The following TAS2R1 variants were observed in gnomAD, a reference collection of about 807,000 sequenced individuals.
The protein encoded by TAS2R1 is taste receptor type 2 member 1.
For synonymous variants in TAS2R1, 141 were observed against 134.2 expected, an observed-to-expected ratio of 1.05 and a Z score of -0.35; for missense variants, 370 against 353.4, an observed-to-expected ratio of 1.05 and a Z score of -0.38.
chr5:9,867,241 T>G, the TAS2R1 span: 1 of 152,208 alleles, frequency 6.6e-6, no homozygotes, highest in Non-Finnish European at 1.5e-5. Context: ...GCTGGGAATC[T>G]GAAATTGCAT....
At chr5:9,845,630 T>C in the TAS2R1 span, among the ~76,000 whole-genome samples, 1 of 152,116 alleles carries the variant, frequency 6.6e-6, no homozygotes, top group African/African-American at 2.4e-5. Flanking sequence ...ACAAGCTAGA[T>C]ATCATATCAG....
chr5:9,885,748 G>A, the TAS2R1 span, among the ~76,000 whole-genome samples: 1 of 152,304 alleles, frequency 6.6e-6, no homozygotes, highest in Non-Finnish European at 1.5e-5. Context: ...AGAAAGTTGG[G>A]TGTGGGGAGA....
chr5:9,755,867 C>T, the TAS2R1 span, among the ~76,000 whole-genome samples: 1 of 152,174 alleles, frequency 6.6e-6, no homozygotes, highest in Non-Finnish European at 1.5e-5. Flanking sequence ...GCAGTGAGGA[C>T]AGTCAGAGGT....
the TAS2R1 span, among the ~76,000 whole-genome samples, chr5:9,770,784 T>G: frequency 6.6e-6 from 1 of 152,212 alleles, no homozygotes; most frequent in South Asian, 2.1e-4. Flanking sequence ...GTTTCTCAGT[T>G]CTAATAGTTT....
the TAS2R1 span, among the ~76,000 whole-genome samples, chr5:9,874,871 G>A: frequency 1.3e-5 from 2 of 152,186 alleles, no homozygotes; most frequent in Middle Eastern, 3.4e-3. Context: ...TCAACTTCTG[G>A]TCTTTAAGCC....
intron 1 of TAS2R1, among the ~76,000 whole-genome samples, chr5:9,708,989 C>G (rs194064): frequency 0.47 from 70,939 of 151,888 alleles, 18,096 homozygotes; most frequent in Non-Finnish European, 0.58. Flanking sequence ...AAGAAACTCA[C>G]GAAGAAACCA....
At chr5:9,806,852 C>T in the TAS2R1 span, among the ~76,000 whole-genome samples, 11 of 152,206 alleles carry the variant, frequency 7.2e-5, no homozygotes, top group South Asian at 2.3e-3. Flanking sequence ...GCAAAGAGTT[C>T]ATGATCAAGA....
the TAS2R1 span, among the ~76,000 whole-genome samples, chr5:9,808,523 T>C: frequency 2.6e-5 from 4 of 152,140 alleles, no homozygotes; most frequent in African/African-American, 9.7e-5. Flanking sequence ...AAAATGAGAA[T>C]GTTTGGAAGA....
At chr5:9,902,975 G>A in the TAS2R1 span, among the ~76,000 whole-genome samples, 1 of 152,000 alleles carries the variant, frequency 6.6e-6, no homozygotes, top group Admixed American at 6.6e-5. Context: ...TATGTAGTAA[G>A]TGTATATATT....
At chr5:9,739,382 C>A in the TAS2R1 span, among the ~76,000 whole-genome samples, 1 of 152,230 alleles carries the variant, frequency 6.6e-6, no homozygotes, top group South Asian at 2.1e-4. Context: ...TAACCTACCC[C>A]TGGAGGCACT....
At chr5:9,875,080 G>A in the TAS2R1 span, among the ~76,000 whole-genome samples, 1 of 152,154 alleles carries the variant, frequency 6.6e-6, no homozygotes, top group Non-Finnish European at 1.5e-5. Context: ...AAAATCTACT[G>A]TGTGCAACAG....
At chr5:9,784,726 C>T in the TAS2R1 span, among the ~76,000 whole-genome samples, 82 of 152,294 alleles carry the variant, frequency 5.4e-4, no homozygotes, top group African/African-American at 1.9e-3. Flanking sequence ...CTTGCATCTT[C>T]CCAGCATCAG....
intron 1 of TAS2R1, among the ~76,000 whole-genome samples, chr5:9,693,775 T>TA (rs1267421224): frequency 6.6e-6 from 1 of 152,028 alleles, no homozygotes; most frequent in Non-Finnish European, 1.5e-5. Flanking sequence ...CGTTGCCTTT[T>TA]AAAAAAATAG....
At chr5:9,812,249 C>T in the TAS2R1 span, among the ~76,000 whole-genome samples, 6 of 151,154 alleles carry the variant, frequency 4.0e-5, no homozygotes, top group South Asian at 2.1e-4. Flanking sequence ...AGAAGATGTT[C>T]GATAAATATT....
the TAS2R1 span, among the ~76,000 whole-genome samples, chr5:9,852,476 C>A: frequency 7.2e-5 from 11 of 152,122 alleles, no homozygotes; most frequent in Admixed American, 3.3e-4. Context: ...GCAATTTGCT[C>A]CCCCTTTCTC....
intron 1 of TAS2R1, among the ~76,000 whole-genome samples, chr5:9,663,981 C>T (rs965360376): frequency 1.3e-5 from 2 of 152,196 alleles, no homozygotes; most frequent in Non-Finnish European, 2.9e-5. Context: ...CCCTCAGAGC[C>T]TCCAAAAGGC....
At chr5:9,841,160 C>T in the TAS2R1 span, among the ~76,000 whole-genome samples, 3 of 152,148 alleles carry the variant, frequency 2.0e-5, no homozygotes, top group Non-Finnish European at 2.9e-5. Flanking sequence ...CTATTTTTCT[C>T]TCTGGATGCT....
At chr5:9,678,651 A>T (rs2126508430) in intron 1 of TAS2R1, among the ~76,000 whole-genome samples, 1 of 152,326 alleles carries the variant, frequency 6.6e-6, no homozygotes, top group Non-Finnish European at 1.5e-5. Flanking sequence ...TGGACCTGGA[A>T]GCTGTTATCC....
chr5:9,812,794 A>G, the TAS2R1 span, among the ~76,000 whole-genome samples: 1 of 152,214 alleles, frequency 6.6e-6, no homozygotes, highest in South Asian at 2.1e-4. Context: ...AAAGCAAGCC[A>G]TGTGGACAGT....
Sources: allele counts gnomAD v4.1 joint callset (sites outside exome capture counted in the v4.1 genomes callset), GRCh38; gene constraint gnomAD v4.1.1; transcripts MANE v1.5; gene names NCBI Gene and HGNC (gene_info 2026-07-23, HGNC 2026-07-21).